The following NMU variants were observed in gnomAD, a reference collection of about 807,000 sequenced individuals.
The protein encoded by NMU is neuromedin U.
NMU carries 29 observed loss-of-function variants against 35.4 expected under a neutral mutation model. That is an observed-to-expected ratio of 0.82 (90% confidence interval 0.61 to 1.12). The LOEUF is 1.12. Among genes scored for constraint, NMU ranks in the 50% most tolerant of loss-of-function variants. The pLI, the probability that NMU is intolerant of heterozygous loss-of-function variation, is 0.00. For missense variants in NMU, 199 were observed against 206.2 expected, an observed-to-expected ratio of 0.97 and a Z score of 0.21; for synonymous variants, 78 against 81.3, an observed-to-expected ratio of 0.96 and a Z score of 0.22.
At chr4:55,620,001 GA>G (rs1047727012) in intron 2 of NMU, among the ~76,000 whole-genome samples, 2 of 149,124 alleles carry the variant, frequency 1.3e-5, no homozygotes, top group Admixed American at 6.8e-5. Flanking sequence ...CATCCACACC[GA>G]AAACCCATCT....
chr4:55,620,224 G>A (rs1388760674), intron 2 of NMU, among the ~76,000 whole-genome samples: 1 of 17,430 alleles, frequency 5.7e-5, no homozygotes, highest in African/African-American at 1.5e-4. Flanking sequence ...TCTGAGCTAC[G>A]GGAGGACATT....
intron 7 of NMU, among the ~76,000 whole-genome samples, chr4:55,601,233 A>G (rs958589578): frequency 7.2e-5 from 11 of 152,120 alleles, no homozygotes; most frequent in Admixed American, 2.0e-4. Context: ...ATACATTAAC[A>G]TTTTATGGTT....
Position 55,626,877 on chromosome 4 carries a change from A to C in NMU, c.171+3525T>G, listed in dbSNP as rs140545111. ...TACGATTTATATTTGAAGTTTCATC[A>C]AGAAGTTTTTCCCTGCTCCTAACAA... is the stretch of plus-strand genomic sequence containing the variant. On this transcript the variant is annotated intron_variant, in intron 2 of 9. Transcript: ENST00000264218. 1.4e-4 allele frequency among the ~76,000 whole-genome samples: 22 copies of C among 152,322 alleles called. No individual in the cohort carries two copies. The East Asian group carries it at 4.2e-3, about 29-fold the overall frequency.
intron 2 of NMU, among the ~76,000 whole-genome samples, chr4:55,626,876 CAAG>C (rs1403718925): frequency 6.6e-6 from 1 of 152,174 alleles, no homozygotes. Context: ...GAAGTTTCAT[CAAG>C]AAGTTTTTCC....
chr4:55,601,237 T>C (rs539035440), intron 7 of NMU, among the ~76,000 whole-genome samples: 1 of 152,148 alleles, frequency 6.6e-6, no homozygotes, highest in Non-Finnish European at 1.5e-5. Context: ...ATTAACATTT[T>C]ATGGTTTCCA....
intron 3 of NMU, among the ~76,000 whole-genome samples, chr4:55,609,380 A>G (rs1035967150): frequency 2.3e-5 from 3 of 130,044 alleles, no homozygotes; most frequent in African/African-American, 5.7e-5. Flanking sequence ...CTTCCTTCTA[A>G]CCAGAAAAAA....
intron 3 of NMU, among the ~76,000 whole-genome samples, chr4:55,610,215 C>A (rs1029608547): frequency 4.6e-5 from 7 of 152,148 alleles, no homozygotes; most frequent in Non-Finnish European, 8.8e-5. Context: ...GTAATGCCAG[C>A]ACTTTGGGAG....
At chr4:55,605,191 T>C (rs989321465) in intron 7 of NMU, 84 bp downstream of exon 7, 2 of 915,646 alleles carry the variant, frequency 2.2e-6, no homozygotes, top group Admixed American at 1.7e-5. Flanking sequence ...GAGCAGCATT[T>C]GATGAACTAC....
rs150650102 is a variant in NMU, at chr4:55,607,528, A to T, written c.280-62T>A. The T allele has an allele frequency of 3.7e-3, 2,219 of 591,896 alleles. 37 individuals carry two copies. Among genetic ancestry groups the T allele is most frequent in the African/African-American group, 0.031 (1,665 of 53,348 alleles). The allele number at this position is 591,896 out of a possible 1,614,324, so 36.7% of individuals were successfully genotyped here. A position where few individuals can be genotyped will look rare whatever the true frequency, so the allele number is the denominator to read the frequency against. Reference sequence around the variant, plus strand: ...TGTAAAATTTTACTATCTTATATACAGTAATTTTATAATGTTATAACACAT... The same window carrying T: ...TGTAAAATTTTACTATCTTATATACTGTAATTTTATAATGTTATAACACAT... On this transcript the variant is annotated intron_variant, in intron 4 of 9. Transcript: ENST00000264218.
At chr4:55,626,774 T>G (rs1734548221) in intron 2 of NMU, among the ~76,000 whole-genome samples, 1 of 152,210 alleles carries the variant, frequency 6.6e-6, no homozygotes, top group African/African-American at 2.4e-5. Context: ...ATGTAGTCCT[T>G]TGCTGAAAGA....
chr4:55,627,314 G>A (rs548714830), intron 2 of NMU, among the ~76,000 whole-genome samples: 2 of 151,630 alleles, frequency 1.3e-5, no homozygotes, highest in South Asian at 2.1e-4. Flanking sequence ...AAGTTCCCAC[G>A]AGTAGCTGTT....
At chr4:55,603,225 T>C (rs772347044) in intron 7 of NMU, among the ~76,000 whole-genome samples, 76 of 152,048 alleles carry the variant, frequency 5.0e-4, no homozygotes, top group Non-Finnish European at 9.4e-4. Context: ...ATGGACAGGC[T>C]GGTCTCAAAC....
At chr4:55,634,901 C>G (rs1171841377) in intron 1 of NMU, among the ~76,000 whole-genome samples, 1 of 151,954 alleles carries the variant, frequency 6.6e-6, no homozygotes, top group Non-Finnish European at 1.5e-5. Context: ...CACACACACA[C>G]CCCCCTCCAA....
intron 8 of NMU, 104 bp from the exon 9 acceptor site, chr4:55,599,285 A>G: frequency 1.1e-6 from 1 of 912,996 alleles, no homozygotes; most frequent in Admixed American, 1.7e-5. Context: ...GTGCATCACA[A>G]TCATCTAGAG....
At chr4:55,595,643 A>ATATATTTTT (rs1258986050) in intron 9 of NMU, among the ~76,000 whole-genome samples, 3 of 66,380 alleles carry the variant, frequency 4.5e-5, no homozygotes, top group African/African-American at 6.3e-5. Context: ...ATATATATAT[A>ATATATTTTT]TTTTTTTTTT....
chr4:55,600,327 A>AAGAGATC (rs920389918), intron 8 of NMU, among the ~76,000 whole-genome samples, 195 bp downstream of exon 8: 2 of 152,280 alleles, frequency 1.3e-5, no homozygotes, highest in African/African-American at 4.8e-5. Context: ...TAGGTCAAAG[A>AAGAGATC]AGAGATCAGA....
chr4:55,609,258 AGG>A, intron 3 of NMU, 79 bp from the exon 4 acceptor site: 2 of 1,061,580 alleles, frequency 1.9e-6, no homozygotes, highest in Non-Finnish European at 2.9e-6. Context: ...ACAAAATGTT[AGG>A]GGCATGAGGA....
intron 2 of NMU, among the ~76,000 whole-genome samples, chr4:55,617,709 C>T (rs371959000): frequency 3.9e-4 from 59 of 152,280 alleles, no homozygotes; most frequent in African/African-American, 1.4e-3. Context: ...ACTACATCAC[C>T]TCCAAATGTC....
chr4:55,597,955 A>T (rs1733259834), intron 9 of NMU, among the ~76,000 whole-genome samples: 1 of 151,858 alleles, frequency 6.6e-6, no homozygotes, highest in Non-Finnish European at 1.5e-5. Context: ...TTTGTAAAGA[A>T]TTACTGACAG....
Sources: allele counts gnomAD v4.1 joint callset (sites outside exome capture counted in the v4.1 genomes callset), GRCh38; gene constraint gnomAD v4.1.1; transcripts MANE v1.5; gene names NCBI Gene and HGNC (gene_info 2026-07-23, HGNC 2026-07-21).